MAML2: variants seen among roughly 807,000 people sequenced by gnomAD.
The protein encoded by MAML2 is mastermind like transcriptional coactivator 2, also known as mastermind-like protein 2.
A neutral mutation model predicts 96.1 loss-of-function variants in MAML2; 22 were observed. The observed-to-expected ratio is 0.23, with a 90% CI of 0.16 to 0.33. The LOEUF (loss-of-function observed/expected upper bound fraction) is 0.33, where lower values mean the gene tolerates loss of function less well. MAML2 is among the 10% of genes least tolerant of loss of function. MAML2 has a pLI of 1.00. For synonymous variants in MAML2, 561 were observed against 521.3 expected (o/e 1.08, Z -1.04); for missense variants, 1,367 against 1,392.4 (o/e 0.98, Z 0.29).
intron 1 of MAML2, among the ~76,000 whole-genome samples, chr11:96,320,497 T>C (rs1289357244): frequency 1.3e-5 from 2 of 152,214 alleles, no homozygotes; most frequent in Non-Finnish European, 2.9e-5. Flanking sequence ...TCCACTCTCA[T>C]CTCTGAGCAG....
intron 1 of MAML2, among the ~76,000 whole-genome samples, chr11:96,110,282 T>C (rs1591018836): frequency 6.6e-6 from 1 of 152,200 alleles, no homozygotes; most frequent in Non-Finnish European, 1.5e-5. Flanking sequence ...AGTTACAGGG[T>C]AGAAGACTTC....
chr11:96,109,807 T>C (rs1228102370), intron 1 of MAML2, among the ~76,000 whole-genome samples: 1 of 152,162 alleles, frequency 6.6e-6, no homozygotes, highest in Non-Finnish European at 1.5e-5. Flanking sequence ...GCTAGTGAGA[T>C]ATTCAGGTTT....
intron 2 of MAML2, among the ~76,000 whole-genome samples, chr11:96,090,067 G>A (rs901624169): frequency 9.5e-6 from 1 of 104,940 alleles, no homozygotes; most frequent in Non-Finnish European, 2.1e-5. Flanking sequence ...AAGTAAGGGA[G>A]GCAGAAGTCA....
intron 1 of MAML2, among the ~76,000 whole-genome samples, chr11:96,187,723 G>A (rs1296851101): frequency 6.6e-6 from 1 of 151,846 alleles, no homozygotes; most frequent in East Asian, 1.9e-4. Flanking sequence ...GAACCAGGGA[G>A]GCAGAGGTTG....
chr11:96,207,128 T>C (rs1861906618), intron 1 of MAML2, among the ~76,000 whole-genome samples: 1 of 152,228 alleles, frequency 6.6e-6, no homozygotes. Flanking sequence ...CTTGTTTTCT[T>C]GTAACTGCAC....
At chr11:96,193,557 GAC>G (rs765223741) in intron 1 of MAML2, among the ~76,000 whole-genome samples, 25 of 152,140 alleles carry the variant, frequency 1.6e-4, no homozygotes, top group Middle Eastern at 3.4e-3. Flanking sequence ...GAAATAAGAA[GAC>G]ACAGTAATAA....
chr11:96,313,529 C>A (rs1214648081), intron 1 of MAML2, among the ~76,000 whole-genome samples: 1 of 152,180 alleles, frequency 6.6e-6, no homozygotes, highest in Non-Finnish European at 1.5e-5. Flanking sequence ...CCAGCCTCCC[C>A]AAAATTGCCC....
chr11:96,069,509 A>G (rs1859306036), intron 2 of MAML2, among the ~76,000 whole-genome samples: 1 of 151,812 alleles, frequency 6.6e-6, no homozygotes, highest in Non-Finnish European at 1.5e-5. Flanking sequence ...CCCCATCTCT[A>G]CAAAAAAAGT....
chr11:96,338,234 A>G (rs1322514595), intron 1 of MAML2, among the ~76,000 whole-genome samples: 2 of 152,244 alleles, frequency 1.3e-5, no homozygotes, highest in Non-Finnish European at 2.9e-5. Flanking sequence ...TCACCAGAAA[A>G]TGAGTTAGTG....
intron 2 of MAML2, among the ~76,000 whole-genome samples, chr11:96,004,023 A>C (rs182034858): frequency 4.1e-4 from 63 of 152,282 alleles, no homozygotes; most frequent in African/African-American, 1.5e-3. Flanking sequence ...TCTTTTGTTG[A>C]GTTTATTATA....
chr11:96,122,494 C>CT (rs1860365413), intron 1 of MAML2, among the ~76,000 whole-genome samples: 1 of 66,670 alleles, frequency 1.5e-5, no homozygotes, highest in Non-Finnish European at 3.1e-5. Flanking sequence ...ATCTTTTAGG[C>CT]TGGGTGTGTG....
At chr11:96,099,974 G>A (rs1381404883) in intron 1 of MAML2, among the ~76,000 whole-genome samples, 1 of 152,112 alleles carries the variant, frequency 6.6e-6, no homozygotes, top group Non-Finnish European at 1.5e-5. Context: ...CTGAAGTCAC[G>A]AGAATGTGAA....
intron 1 of MAML2, among the ~76,000 whole-genome samples, chr11:96,234,458 G>A (rs1318944227): frequency 2.0e-5 from 3 of 152,134 alleles, no homozygotes; most frequent in Non-Finnish European, 4.4e-5. Flanking sequence ...TCCAGCCTGG[G>A]AAACAATAGC....
chr11:96,022,820 T>A (rs1858456257), intron 2 of MAML2, among the ~76,000 whole-genome samples: 1 of 151,704 alleles, frequency 6.6e-6, no homozygotes, highest in Non-Finnish European at 1.5e-5. Context: ...TGGCCCATTA[T>A]AAAGTGTTTT....
intron 1 of MAML2, among the ~76,000 whole-genome samples, chr11:96,272,295 T>C (rs145799524): frequency 5.3e-4 from 81 of 152,302 alleles, no homozygotes; most frequent in African/African-American, 1.9e-3. Context: ...CAATAAATAT[T>C]TGAGTAGATA....
intron 1 of MAML2, among the ~76,000 whole-genome samples, chr11:96,155,363 T>C (rs1198957739): frequency 6.6e-6 from 1 of 151,320 alleles, no homozygotes; most frequent in African/African-American, 2.4e-5. Context: ...AATATTTAGT[T>C]CCACCCTGCC....
At chr11:96,340,094 C>T (rs1040346096) in intron 1 of MAML2, among the ~76,000 whole-genome samples, 1 of 152,172 alleles carries the variant, frequency 6.6e-6, no homozygotes, top group African/African-American at 2.4e-5. Context: ...TCCTACTCCC[C>T]AGAGATTCCC....
intron 1 of MAML2, among the ~76,000 whole-genome samples, chr11:96,274,625 C>T (rs913201090): frequency 2.1e-5 from 3 of 144,002 alleles, no homozygotes; most frequent in Non-Finnish European, 3.1e-5. Flanking sequence ...TTAGTTAAAC[C>T]TATTAATTAA....
intron 2 of MAML2, among the ~76,000 whole-genome samples, chr11:96,069,912 A>G (rs190996783): frequency 6.6e-6 from 1 of 151,782 alleles, no homozygotes; most frequent in African/African-American, 2.4e-5. Context: ...AATCCCAGCT[A>G]CTTAGGAGGC....
Sources: allele counts gnomAD v4.1 joint callset (sites outside exome capture counted in the v4.1 genomes callset), GRCh38; gene constraint gnomAD v4.1.1; transcripts MANE v1.5; gene names NCBI Gene and HGNC (gene_info 2026-07-23, HGNC 2026-07-21).